WWC1: variants seen among roughly 807,000 people sequenced by gnomAD.
WWC1 encodes WW and C2 domain containing 1.
In WWC1, 55 loss-of-function variants were observed where a neutral mutation model predicts 138.4. The observed-to-expected ratio is 0.40, with a 90% CI of 0.32 to 0.50. The LOEUF (loss-of-function observed/expected upper bound fraction) is 0.50. Among genes scored for constraint, WWC1 ranks in the 20% least tolerant of loss-of-function variants. The pLI is 0.72. For missense variants in WWC1, 1,226 were observed against 1,420.4 expected, an observed-to-expected ratio of 0.86 and a Z score of 2.20; for synonymous variants, 524 against 564.9, an observed-to-expected ratio of 0.93 and a Z score of 1.03.
chr5:168,437,218 T>C (rs1333951592), intron 15 of WWC1, among the ~76,000 whole-genome samples: 3 of 152,164 alleles, frequency 2.0e-5, no homozygotes, highest in Non-Finnish European at 4.4e-5. Context: ...CCACCCTATA[T>C]AAATCCCATT....
chr5:168,374,045 C>CAAAAA (rs200314568), intron 2 of WWC1, among the ~76,000 whole-genome samples: 3 of 99,646 alleles, frequency 3.0e-5, no homozygotes, highest in Non-Finnish European at 2.1e-5. Flanking sequence ...GATTCTGTAC[C>CAAAAA]AAAAAAAAAA....
At chr5:168,336,948 C>T (rs1773527130) in intron 1 of WWC1, among the ~76,000 whole-genome samples, 1 of 152,122 alleles carries the variant, frequency 6.6e-6, no homozygotes, top group African/African-American at 2.4e-5. Context: ...GGTGTATGTG[C>T]TCAACATATG....
At chr5:168,342,440 C>T (rs1774111867) in intron 1 of WWC1, among the ~76,000 whole-genome samples, 1 of 152,158 alleles carries the variant, frequency 6.6e-6, no homozygotes, top group African/African-American at 2.4e-5. Context: ...ATGCACATTC[C>T]CTGCCTCCTG....
intron 19 of WWC1, among the ~76,000 whole-genome samples, chr5:168,457,978 T>A (rs1397195346): frequency 6.6e-6 from 1 of 152,206 alleles, no homozygotes; most frequent in Non-Finnish European, 1.5e-5. Context: ...CCTGGAGCAT[T>A]TGCATCCAAT....
At chr5:168,387,910 C>A (rs1011104211) in intron 3 of WWC1, among the ~76,000 whole-genome samples, 1 of 108,504 alleles carries the variant, frequency 9.2e-6, no homozygotes, top group Admixed American at 8.3e-5. Flanking sequence ...AAAGTGATTT[C>A]TCTCTCTCTC....
At chr5:168,351,858 C>T (rs1774989083) in intron 1 of WWC1, among the ~76,000 whole-genome samples, 1 of 152,184 alleles carries the variant, frequency 6.6e-6, no homozygotes, top group African/African-American at 2.4e-5. Context: ...GAGTAGACTC[C>T]ACTCAGAACT....
intron 1 of WWC1, among the ~76,000 whole-genome samples, chr5:168,341,759 G>T (rs530813348): frequency 1.3e-4 from 20 of 151,896 alleles, no homozygotes; most frequent in Admixed American, 7.2e-4. Flanking sequence ...ATACACACCT[G>T]CCAGGTGTTC....
At chr5:168,468,330 G>T (rs114269238) in intron 22 of WWC1, among the ~76,000 whole-genome samples, 1,578 of 152,120 alleles carry the variant, frequency 0.01, 12 homozygotes, top group Non-Finnish European at 0.015. Context: ...GGCTCTGCCT[G>T]CCACCTGCTA....
intron 15 of WWC1, among the ~76,000 whole-genome samples, chr5:168,432,456 A>G (rs1265386203): frequency 6.6e-6 from 1 of 152,196 alleles, no homozygotes; most frequent in Non-Finnish European, 1.5e-5. Context: ...CAGCTTTCCC[A>G]TCTGTAGAAG....
chr5:168,430,314 A>G, intron 14 of WWC1, 91 bp downstream of exon 14: 1 of 1,053,080 alleles, frequency 9.5e-7, no homozygotes, highest in Non-Finnish European at 1.4e-6. Context: ...TGATCCAGTT[A>G]TGGGCCTTGT....
chr5:168,369,687 AAAGGTATTTTTC>A (rs983952079), intron 1 of WWC1, among the ~76,000 whole-genome samples: 2 of 152,264 alleles, frequency 1.3e-5, no homozygotes, highest in Admixed American at 6.5e-5. Context: ...CATTCAACCA[AAAGGTATTTTTC>A]ATAGCCTGCC....
chr5:168,328,595 G>A (rs1296664046), intron 1 of WWC1, among the ~76,000 whole-genome samples: 1 of 152,040 alleles, frequency 6.6e-6, no homozygotes, highest in Non-Finnish European at 1.5e-5. Flanking sequence ...CGTCCCAACT[G>A]GAGTCCAGTG....
chr5:168,434,904 C>A (rs922172415), intron 15 of WWC1, among the ~76,000 whole-genome samples: 1 of 152,150 alleles, frequency 6.6e-6, no homozygotes, highest in Non-Finnish European at 1.5e-5. Context: ...CCATTACAAC[C>A]GTTCCCTTGC....
chr5:168,369,523 C>T (rs1776574922), intron 1 of WWC1, among the ~76,000 whole-genome samples: 1 of 152,154 alleles, frequency 6.6e-6, no homozygotes, highest in Non-Finnish European at 1.5e-5. Flanking sequence ...CCACCTCAGC[C>T]TCCCAAGTAG....
At chr5:168,311,467 C>T (rs899547107) in intron 1 of WWC1, among the ~76,000 whole-genome samples, 30 of 152,180 alleles carry the variant, frequency 2.0e-4, no homozygotes, top group Admixed American at 1.4e-3. Flanking sequence ...TTTCCTCTGC[C>T]TCCTAAAACC....
intron 1 of WWC1, among the ~76,000 whole-genome samples, chr5:168,301,586 C>G (rs555848112): frequency 6.7e-6 from 1 of 149,444 alleles, no homozygotes; most frequent in Non-Finnish European, 1.5e-5. Context: ...TGCAGTGAGT[C>G]GAGATTGTGC....
intron 1 of WWC1, among the ~76,000 whole-genome samples, chr5:168,339,922 TC>T (rs1352569318): frequency 3.0e-5 from 4 of 132,692 alleles, no homozygotes; most frequent in African/African-American, 1.0e-4. Context: ...TCTCTCTCTC[TC>T]TTTCTCTCTT....
chr5:168,431,921 G>A (rs1018871242), intron 15 of WWC1, among the ~76,000 whole-genome samples: 1 of 151,956 alleles, frequency 6.6e-6, no homozygotes, highest in Admixed American at 6.6e-5. Context: ...AATAAAATTA[G>A]CCAGGCATAG....
intron 2 of WWC1, among the ~76,000 whole-genome samples, chr5:168,375,965 T>C (rs1349469618): frequency 6.6e-6 from 1 of 152,238 alleles, no homozygotes; most frequent in East Asian, 1.9e-4. Flanking sequence ...CATGATTAGA[T>C]GGTTTTAATC....
Sources: allele counts gnomAD v4.1 joint callset (sites outside exome capture counted in the v4.1 genomes callset), GRCh38; gene constraint gnomAD v4.1.1; transcripts MANE v1.5; gene names NCBI Gene and HGNC (gene_info 2026-07-23, HGNC 2026-07-21).